NINL: variants seen among roughly 807,000 people sequenced by gnomAD.
The protein encoded by NINL is ninein like, also known as ninein-like protein.
NINL carries 153 observed loss-of-function variants against 160.3 expected under a neutral mutation model. The ratio of observed to expected loss-of-function variants is 0.95; its 90% confidence interval spans 0.84 to 1.09. The LOEUF (loss-of-function observed/expected upper bound fraction) is 1.09, where lower values mean the gene tolerates loss of function less well. Among genes scored for constraint, NINL ranks in the 50% least tolerant of loss-of-function variants. The pLI is 0.00. For missense variants in NINL, 1,829 were observed against 1,764.0 expected, an observed-to-expected ratio of 1.04 and a Z score of -0.66; for synonymous variants, 800 against 734.8, an observed-to-expected ratio of 1.09 and a Z score of -1.43.
intron 1 of NINL, among the ~76,000 whole-genome samples, chr20:25,555,558 C>A (rs1035934735): frequency 6.6e-6 from 1 of 152,178 alleles, no homozygotes; most frequent in Non-Finnish European, 1.5e-5. Flanking sequence ...CATGTAACTA[C>A]CATTCAGAAC....
intron 14 of NINL, among the ~76,000 whole-genome samples, chr20:25,480,753 G>A (rs1377340812): frequency 2.0e-5 from 3 of 152,180 alleles, no homozygotes; most frequent in Non-Finnish European, 4.4e-5. Context: ...CAAGTTCTGA[G>A]AGGCAGTTCT....
chr20:25,469,001 C>T (rs1232067146), intron 18 of NINL, among the ~76,000 whole-genome samples: 1 of 139,188 alleles, frequency 7.2e-6, no homozygotes, highest in African/African-American at 3.0e-5. Context: ...TGAGTCCCCC[C>T]TTGCCCTGTC....
intron 1 of NINL, among the ~76,000 whole-genome samples, chr20:25,580,492 G>A (rs2065162432): frequency 6.6e-6 from 1 of 152,158 alleles, no homozygotes; most frequent in Non-Finnish European, 1.5e-5. Context: ...TCGACTCCAG[G>A]GAGACTATAC....
At chr20:25,483,242 G>A (rs1184446874) in intron 13 of NINL, among the ~76,000 whole-genome samples, 2 of 151,968 alleles carry the variant, frequency 1.3e-5, no homozygotes, top group African/African-American at 4.8e-5. Flanking sequence ...GCTGAGGCAG[G>A]AGAATCGCTT....
chr20:25,581,446 T>A lies in NINL; in HGVS notation c.-12+4009A>T, dbSNP rs200603910. Reference sequence around the variant, plus strand: ...GACAGAGCGAGACTCCTTCTCAGTTTAAAAAAAAAAAAAATCCAAAGGTAA... The same window carrying A: ...GACAGAGCGAGACTCCTTCTCAGTTAAAAAAAAAAAAAAATCCAAAGGTAA... On this transcript the variant is annotated intron_variant, in intron 1 of 23. Coordinates refer to ENST00000278886, the MANE Select transcript of NINL (RefSeq NM_025176.6). 2.5e-4 allele frequency among the ~76,000 whole-genome samples: 37 copies of A among 147,268 alleles called. 1 individual carries two copies. The South Asian group carries it at 2.8e-3, about 11-fold the overall frequency.
At chr20:25,492,358 C>T (rs1297073852) in intron 10 of NINL, among the ~76,000 whole-genome samples, 2 of 152,070 alleles carry the variant, frequency 1.3e-5, no homozygotes, top group Non-Finnish European at 2.9e-5. Flanking sequence ...TTGAAATATA[C>T]AAAAATAGGG....
rs1275723987 is a variant in NINL, at chr20:25,453,483, T to C, written c.4117A>G (p.Ser1373Gly). Residue 1373 changes from serine (S) to glycine (G), a missense_variant, in exon 24 of 24, where the codon AGT becomes GGT. Coordinates refer to ENST00000278886, the MANE Select transcript of NINL (RefSeq NM_025176.6). ...GAGAGGGCTGCGGGGGCAATCCTAC[T>C]GACGAGTTTGTTGAGAGCGCGAACT... ...EKVRALNKLVSRIAPAALSV is the reference protein window; with the variant it reads ...EKVRALNKLVGRIAPAALSV The C allele has an allele frequency of 1.2e-6, 2 of 1,613,290 alleles. No individual in the cohort carries two copies. Among genetic ancestry groups the C allele is most frequent in the Non-Finnish European group, 8.5e-7 (1 of 1,179,708 alleles).
intron 1 of NINL, among the ~76,000 whole-genome samples, chr20:25,569,244 AT>A (rs1273838416): frequency 3.3e-5 from 5 of 151,176 alleles, no homozygotes; most frequent in African/African-American, 1.2e-4. Context: ...AAAAAAAAAA[AT>A]TAAATTAGAA....
At chr20:25,532,743 T>C (rs2064488446) in intron 1 of NINL, among the ~76,000 whole-genome samples, 1 of 152,214 alleles carries the variant, frequency 6.6e-6, no homozygotes. Context: ...GACCTTTCTG[T>C]GACAATTTGC....
chr20:25,559,666 T>TCA (rs2064909547), intron 1 of NINL, among the ~76,000 whole-genome samples: 1 of 149,858 alleles, frequency 6.7e-6, no homozygotes, highest in Non-Finnish European at 1.5e-5. Flanking sequence ...AATGGCCCCA[T>TCA]CAGAGCTAAT....
chr20:25,542,605 AT>A (rs2064680663), intron 1 of NINL, among the ~76,000 whole-genome samples: 2 of 151,118 alleles, frequency 1.3e-5, no homozygotes, highest in Admixed American at 1.3e-4. Context: ...CAAATAGAGA[AT>A]TCTGAAAGCA....
At chr20:25,545,298 G>A (rs1049093170) in intron 1 of NINL, among the ~76,000 whole-genome samples, 4 of 152,144 alleles carry the variant, frequency 2.6e-5, no homozygotes, top group South Asian at 2.1e-4. Context: ...AGACATCTCC[G>A]GGTAGGTGGA....
At chr20:25,499,032 C>T in intron 8 of NINL, 1 of 985,476 alleles carries the variant, frequency 1.0e-6, no homozygotes, top group Non-Finnish European at 1.2e-6. Flanking sequence ...GCTCTGCTTT[C>T]CACTTGTGGC....
intron 1 of NINL, among the ~76,000 whole-genome samples, chr20:25,549,073 G>A (rs1600324472): frequency 2.5e-5 from 3 of 119,488 alleles, no homozygotes; most frequent in African/African-American, 6.8e-5. Context: ...CGGCACCCAC[G>A]GCCACACCTC....
intron 1 of NINL, among the ~76,000 whole-genome samples, chr20:25,557,040 G>A (rs2064874952): frequency 6.6e-6 from 1 of 152,016 alleles, no homozygotes; most frequent in Non-Finnish European, 1.5e-5. Flanking sequence ...GTTTCTTTTG[G>A]GTGTGATGAA....
In NINL at chr20:25,470,004, G is replaced by C; in HGVS notation, c.3340C>G (p.His1114Asp). The change falls in exon 18 of 24, where the codon CAC (histidine) becomes GAC (aspartate). Residue 1114 changes from histidine (H) to aspartate (D), a missense_variant. Coordinates refer to ENST00000278886, the MANE Select transcript of NINL (RefSeq NM_025176.6). ...RQELEAAEST[H>D]DAQRKEIEVL... ...CGTGGCCCTTACCTCTGTGCATCGT[G>C]AGTACTTTCTGCAGCTTCAAGCTCT... The C allele has an allele frequency of 1.2e-6, 2 of 1,613,944 alleles. No individual in the cohort carries two copies. Among genetic ancestry groups the C allele is most frequent in the South Asian group, 2.2e-5 (2 of 91,072 alleles).
Position 25,549,292 on chromosome 20 carries a change from A to T in NINL, c.-11-22694T>A, listed in dbSNP as rs146510322. Reference sequence around the variant, plus strand: ...ACCCACAGCCACACCTCCCACACCCAGCCTCACCCAGGGCTGACCCCAGCA... The same window carrying T: ...ACCCACAGCCACACCTCCCACACCCTGCCTCACCCAGGGCTGACCCCAGCA... On this transcript the variant is annotated intron_variant, in intron 1 of 23. Transcript: ENST00000278886. 4.3e-3 allele frequency among the ~76,000 whole-genome samples: 648 copies of T among 150,674 alleles called. 18 individuals are homozygous for T. The East Asian group carries it at 0.073, about 17-fold the overall frequency.
chr20:25,548,905 G>GC (rs2064772637), intron 1 of NINL, among the ~76,000 whole-genome samples: 4 of 112,530 alleles, frequency 3.6e-5, no homozygotes, highest in Non-Finnish European at 3.7e-5. Context: ...CTCACCCAAG[G>GC]CTGACCCCAG....
At chr20:25,510,767 G>A (rs943037908) in intron 4 of NINL, 27 bp from the exon 5 acceptor site, 5 of 1,582,564 alleles carry the variant, frequency 3.2e-6, no homozygotes, top group Admixed American at 1.7e-5. Flanking sequence ...AGAGAAGGCT[G>A]TGAGTTCCAG....
Sources: allele counts gnomAD v4.1 joint callset (sites outside exome capture counted in the v4.1 genomes callset), GRCh38; gene constraint gnomAD v4.1.1; transcripts MANE v1.5; gene names NCBI Gene and HGNC (gene_info 2026-07-23, HGNC 2026-07-21).